The following DZIP1 variants were observed in gnomAD, a reference collection of about 807,000 sequenced individuals.
DZIP1 encodes the protein DAZ interacting zinc finger protein 1, also known as cilium assembly protein DZIP1.
DZIP1 carries 97 observed loss-of-function variants against 107.6 expected under a neutral mutation model. The observed-to-expected ratio is 0.90, with a 90% CI of 0.77 to 1.07. The LOEUF is 1.07. DZIP1 is among the 50% of genes least tolerant of loss of function. The pLI is 0.00. For missense variants in DZIP1, 1,035 were observed against 1,063.6 expected (o/e 0.97, Z 0.37); for synonymous variants, 390 against 386.4 (o/e 1.01, Z -0.11).
chr13:95,603,286 G>A (rs955230068), intron 14 of DZIP1, among the ~76,000 whole-genome samples: 6 of 110,140 alleles, frequency 5.4e-5, no homozygotes, highest in Non-Finnish European at 8.4e-5. Flanking sequence ...CAGCCTGGGC[G>A]ACAGAGAAAT....
chr13:95,622,562 C>A, intron 8 of DZIP1, 82 bp from the exon 9 acceptor site: 1 of 1,549,124 alleles, frequency 6.5e-7, no homozygotes, highest in Admixed American at 1.7e-5. Context: ...GAGCACATAG[C>A]TGTGTTTTAA....
Position 95,642,098 on chromosome 13 carries a change from A to G in DZIP1, c.-69T>C. The G allele has an allele frequency of 6.9e-7, 1 of 1,443,152 alleles. No individual in the cohort carries two copies. Among genetic ancestry groups the G allele is most frequent in the South Asian group, 1.5e-5 (1 of 66,898 alleles). The allele number at this position is 1,443,152 out of a possible 1,614,324, so 89.4% of individuals were successfully genotyped here. Reference sequence around the variant, plus strand: ...GGCCGCCGCCGCCACAGCCCTCAGGAGCGGGAGAAGGCCGGGTTCCTCGCT... The same window carrying G: ...GGCCGCCGCCGCCACAGCCCTCAGGGGCGGGAGAAGGCCGGGTTCCTCGCT... On this transcript the variant is annotated 5_prime_UTR_variant, in exon 4 of 23. Coordinates refer to ENST00000376829, the MANE Select transcript of DZIP1 (RefSeq NM_198968.4).
At chr13:95,601,789 C>T (rs963962798) in intron 14 of DZIP1, among the ~76,000 whole-genome samples, 11 of 152,138 alleles carry the variant, frequency 7.2e-5, no homozygotes, top group Admixed American at 5.2e-4. Flanking sequence ...CAAATGCCAC[C>T]GCTGTCCACC....
chr13:95,603,649 A>C (rs1594675062), intron 14 of DZIP1, among the ~76,000 whole-genome samples: 2 of 152,240 alleles, frequency 1.3e-5, no homozygotes, highest in East Asian at 3.8e-4. Context: ...AGCAAAGAGC[A>C]AAGTGGTCTC....
intron 15 of DZIP1, 145 bp from the exon 16 acceptor site, chr13:95,594,231 A>G (rs1233548887): frequency 1.4e-5 from 9 of 649,850 alleles, no homozygotes; most frequent in South Asian, 2.2e-5. Context: ...TTAGTCACTC[A>G]GCACAATACA....
In DZIP1 at chr13:95,644,689, C is replaced by A. The variant is rs563339489; in HGVS notation, c.-838G>T. On this transcript the variant is annotated 5_prime_UTR_variant, in exon 1 of 23. Transcript: ENST00000376829. ...GCGATCTCCCTCCGGCCTCTTCCCT[C>A]GGTGTCCCGGCTCCTCTGGCAACTG... The A allele has an allele frequency of 6.6e-6, 1 of 151,496 alleles. No individual in the cohort carries two copies. The highest frequency in any genetic ancestry group is 1.5e-5 in the Non-Finnish European group (1 of 67,844). 9.4% of individuals were successfully genotyped at this position (151,496 alleles called of 1,614,324 possible).
At position 95,641,889 on chromosome 13, in the gene DZIP1, C is replaced by T; in HGVS notation, c.37-34G>A. On this transcript the variant is annotated intron_variant, in intron 4 of 22. Coordinates refer to ENST00000376829, the MANE Select transcript of DZIP1 (RefSeq NM_198968.4). This position sits in a 1 kb window ranked among gnomAD's most constrained non-coding sequence, Gnocchi z 4.3. ...GGCACAAAGAGAGCGCGGCGGGAGGCGGGGATGGGGGGCGGGCAGGCTGGG... is the reference window on the plus strand; with the variant it reads ...GGCACAAAGAGAGCGCGGCGGGAGGTGGGGATGGGGGGCGGGCAGGCTGGG... The T allele has an allele frequency of 2.3e-5, 5 of 220,598 alleles. No individual in the cohort carries two copies. The highest frequency in any genetic ancestry group is 1.0e-4 in the African/African-American group (2 of 19,354). The allele number at this position is 220,598 out of a possible 1,614,324, so 13.7% of individuals were successfully genotyped here.
intron 6 of DZIP1, chr13:95,630,581 A>T (rs1877078708): frequency 6.4e-6 from 3 of 471,008 alleles, no homozygotes; most frequent in Non-Finnish European, 9.8e-6. Flanking sequence ...TGCTAATACA[A>T]GCAGAGGACT....
chr13:95,609,292 G>A (rs2044899512), intron 13 of DZIP1, among the ~76,000 whole-genome samples, 165 bp downstream of exon 13: 1 of 152,082 alleles, frequency 6.6e-6, no homozygotes, highest in South Asian at 2.1e-4. Context: ...TGTAGTCTTG[G>A]GTTTTAGAAC....
chr13:95,620,018 T>A, intron 9 of DZIP1, 71 bp from the exon 10 acceptor site: 1 of 1,517,484 alleles, frequency 6.6e-7, no homozygotes, highest in East Asian at 2.3e-5. Flanking sequence ...GGAGCTTCCT[T>A]TTTAGTGAAT....
Position 95,581,271 on chromosome 13 carries a change from T to C in DZIP1, c.*963A>G, listed in dbSNP as rs2044007509. ...GCTTATAAGAACTTTCTTTCGACAATGTCATTGTTTAAGAATGTAACTAAA... is the reference window on the plus strand; with the variant it reads ...GCTTATAAGAACTTTCTTTCGACAACGTCATTGTTTAAGAATGTAACTAAA... On this transcript the variant is annotated 3_prime_UTR_variant, in exon 23 of 23. Transcript: ENST00000376829. 1 of 152,642 alleles carries C rather than the reference T, an allele frequency of 6.6e-6. No individual in the cohort carries two copies. The highest frequency in any genetic ancestry group is 2.1e-4 in the South Asian group (1 of 4,828). The allele number at this position is 152,642 out of a possible 1,614,324, so 9.5% of individuals were successfully genotyped here.
At chr13:95,633,802 C>A (rs1288659241) in intron 5 of DZIP1, among the ~76,000 whole-genome samples, 1 of 151,770 alleles carries the variant, frequency 6.6e-6, no homozygotes. Context: ...AGACATGAAA[C>A]CAGGCTGGGT....
In DZIP1 at chr13:95,642,152, G is replaced by C. The variant is rs905470684; in HGVS notation, c.-123C>G. The C allele has an allele frequency of 5.3e-6, 7 of 1,319,966 alleles. No individual in the cohort carries two copies. The African/African-American group carries it at 1.1e-4, about 21-fold the overall frequency. 81.8% of individuals were successfully genotyped at this position (1,319,966 alleles called of 1,614,324 possible). On this transcript the variant is annotated 5_prime_UTR_variant, in exon 4 of 23. Coordinates refer to ENST00000376829, the MANE Select transcript of DZIP1 (RefSeq NM_198968.4). ...GCGGCGGCGGCGGCCTAAGGTCTGG[G>C]CGTCCAGGACGTTGCTATAGCAGCG...
In DZIP1 at chr13:95,579,094, A is replaced by G. The variant is rs1347729921; in HGVS notation, c.*3140T>C. The G allele has an allele frequency of 6.6e-6, 1 of 152,250 alleles. No individual in the cohort carries two copies. Among genetic ancestry groups the G allele is most frequent in the Non-Finnish European group, 1.5e-5 (1 of 68,048 alleles). 9.4% of individuals were successfully genotyped at this position (152,250 alleles called of 1,614,324 possible). A position where few individuals can be genotyped will look rare whatever the true frequency, so the allele number is the denominator to read the frequency against. ...TATTTATATCCTACTGCTCAAGGTC[A>G]TCGCCAAGGTGTGATTGGAAAAATT... On this transcript the variant is annotated 3_prime_UTR_variant, in exon 23 of 23. Coordinates refer to ENST00000376829, the MANE Select transcript of DZIP1 (RefSeq NM_198968.4).
intron 14 of DZIP1, among the ~76,000 whole-genome samples, chr13:95,600,913 T>G (rs1229467598): frequency 6.6e-6 from 1 of 152,154 alleles, no homozygotes; most frequent in East Asian, 1.9e-4. Flanking sequence ...TTTTTAAAAA[T>G]TATACAAATA....
intron 5 of DZIP1, among the ~76,000 whole-genome samples, chr13:95,640,917 A>G (rs903822820): frequency 6.6e-6 from 1 of 152,224 alleles, no homozygotes; most frequent in Non-Finnish European, 1.5e-5. Context: ...CAAAATTTAT[A>G]AAAATGAGAA....
chr13:95,630,603 C>G, intron 6 of DZIP1: 1 of 781,122 alleles, frequency 1.3e-6, no homozygotes, highest in Non-Finnish European at 1.7e-6. Flanking sequence ...GGGGGGCATT[C>G]AAAATGCAAA....
intron 10 of DZIP1, among the ~76,000 whole-genome samples, chr13:95,612,647 C>G (rs1445977634): frequency 1.3e-5 from 2 of 151,992 alleles, no homozygotes; most frequent in Non-Finnish European, 2.9e-5. Context: ...TGCAGTGGAG[C>G]AATCTCGGCT....
intron 1 of DZIP1, among the ~76,000 whole-genome samples, chr13:95,644,040 G>A (rs1878828743): frequency 6.6e-6 from 1 of 150,526 alleles, no homozygotes; most frequent in Non-Finnish European, 1.5e-5. Context: ...TCACAAGATG[G>A]CCGGAACAGG....
Sources: gnomAD v4.1 joint callset for allele counts (sites outside exome capture counted in the v4.1 genomes callset) on GRCh38, gnomAD v4.1.1 for gene constraint, Gnocchi (gnomAD v3.1) non-coding constraint, MANE v1.5 for transcripts, NCBI Gene and HGNC (gene_info 2026-07-23, HGNC 2026-07-21) for gene names.